Variants in ITGBL1 observed in about 807,000 individuals in gnomAD.
ITGBL1 encodes the protein integrin subunit beta like 1, also known as integrin beta-like protein 1.
A neutral mutation model predicts 68.5 loss-of-function variants in ITGBL1; 51 were observed. That is an observed-to-expected ratio of 0.74 (90% confidence interval 0.59 to 0.94). The LOEUF is 0.94. Ranked by LOEUF, ITGBL1 falls within the 40% of genes least tolerant of loss-of-function variation. The pLI is 0.00. For missense variants in ITGBL1, 649 were observed against 647.4 expected (o/e 1.00, Z -0.03); for synonymous variants, 209 against 227.3 (o/e 0.92, Z 0.72).
intron 4 of ITGBL1, among the ~76,000 whole-genome samples, chr13:101,576,176 A>G (rs2139272489): frequency 6.6e-6 from 1 of 152,332 alleles, no homozygotes; most frequent in East Asian, 1.9e-4. Context: ...CTACATAGAT[A>G]GATGTGGAAC....
chr13:101,561,327 C>A (rs1249466870), intron 2 of ITGBL1, among the ~76,000 whole-genome samples: 6 of 152,106 alleles, frequency 3.9e-5, no homozygotes, highest in African/African-American at 1.4e-4. Context: ...AGCAGCTCCT[C>A]CAGGATGGTC....
At chr13:101,595,498 A>G (rs2029907059) in intron 6 of ITGBL1, among the ~76,000 whole-genome samples, 1 of 137,332 alleles carries the variant, frequency 7.3e-6, no homozygotes, top group Non-Finnish European at 1.7e-5. Flanking sequence ...ATACAACTCA[A>G]TAGCAAAAAA....
At chr13:101,497,414 G>A (rs1384798228) in intron 2 of ITGBL1, among the ~76,000 whole-genome samples, 4 of 152,102 alleles carry the variant, frequency 2.6e-5, no homozygotes, top group Admixed American at 1.3e-4. Flanking sequence ...GACACAAGGC[G>A]ATGACATTTT....
chr13:101,481,087 T>C (rs866729470), intron 2 of ITGBL1, among the ~76,000 whole-genome samples: 4 of 84,994 alleles, frequency 4.7e-5, no homozygotes, highest in Admixed American at 3.9e-4. Context: ...TATACACACA[T>C]ATATATACAC....
chr13:101,561,839 G>T (rs907853608), intron 2 of ITGBL1, among the ~76,000 whole-genome samples: 7 of 152,130 alleles, frequency 4.6e-5, no homozygotes, highest in African/African-American at 1.7e-4. Context: ...AAGTTCTTTA[G>T]ACAAAAGGAA....
At chr13:101,576,000 C>G (rs937374767) in intron 4 of ITGBL1, among the ~76,000 whole-genome samples, 2 of 152,152 alleles carry the variant, frequency 1.3e-5, no homozygotes, top group Non-Finnish European at 2.9e-5. Flanking sequence ...TCCCTAAACA[C>G]TTAAATAACA....
intron 7 of ITGBL1, among the ~76,000 whole-genome samples, chr13:101,625,101 T>C (rs2031725236): frequency 6.6e-6 from 1 of 152,156 alleles, no homozygotes; most frequent in Non-Finnish European, 1.5e-5. Context: ...GTGATGCAAT[T>C]GCAACTCTTG....
chr13:101,694,262 T>C (rs1004080474), intron 8 of ITGBL1, among the ~76,000 whole-genome samples: 1 of 152,310 alleles, frequency 6.6e-6, no homozygotes, highest in Non-Finnish European at 1.5e-5. Context: ...TTACTCTTTT[T>C]GTTTGTTAAG....
chr13:101,541,442 G>A (rs1243932559), intron 2 of ITGBL1, among the ~76,000 whole-genome samples: 1 of 152,100 alleles, frequency 6.6e-6, no homozygotes, highest in African/African-American at 2.4e-5. Flanking sequence ...GTGTGCTGCT[G>A]GATTTGGTTT....
At chr13:101,545,280 A>C (rs2049799348) in intron 2 of ITGBL1, among the ~76,000 whole-genome samples, 1 of 152,234 alleles carries the variant, frequency 6.6e-6, no homozygotes, top group Non-Finnish European at 1.5e-5. Flanking sequence ...AAATACTCTA[A>C]GAATTAACAG....
chr13:101,720,574 GTGTT>G (rs1566810203), downstream of ITGBL1: 2 of 150,606 alleles, frequency 1.3e-5, no homozygotes, highest in South Asian at 2.1e-4. Context: ...GTATATGTGT[GTGTT>G]TGTGTGAAGT....
intron 2 of ITGBL1, among the ~76,000 whole-genome samples, chr13:101,553,888 T>C (rs6491632): frequency 0.79 from 119,231 of 151,884 alleles, 46,808 homozygotes; most frequent in South Asian, 0.81. Context: ...AATTCAACTG[T>C]CTCAACCTCC....
intron 6 of ITGBL1, among the ~76,000 whole-genome samples, chr13:101,584,001 T>C (rs1438575731): frequency 6.6e-6 from 1 of 152,226 alleles, no homozygotes; most frequent in Non-Finnish European, 1.5e-5. Flanking sequence ...AGGGCACCTA[T>C]ATTAATGTAT....
intron 7 of ITGBL1, among the ~76,000 whole-genome samples, chr13:101,616,823 G>A (rs1594933127): frequency 6.6e-6 from 1 of 152,200 alleles, no homozygotes; most frequent in African/African-American, 2.4e-5. Flanking sequence ...ACTCTCTGAT[G>A]TGCTTCCTTG....
chr13:101,622,915 ATG>A (rs59267168), intron 7 of ITGBL1, among the ~76,000 whole-genome samples: 1,911 of 148,328 alleles, frequency 0.013, 13 homozygotes, highest in Non-Finnish European at 0.016. Flanking sequence ...TGGGGTATGT[ATG>A]TGTGTGTGTG....
chr13:101,523,983 G>C (rs1019269032), intron 2 of ITGBL1, among the ~76,000 whole-genome samples: 2 of 152,176 alleles, frequency 1.3e-5, no homozygotes, highest in African/African-American at 4.8e-5. Flanking sequence ...ATGGCTGAGA[G>C]AATTGTGGAC....
intron 2 of ITGBL1, among the ~76,000 whole-genome samples, chr13:101,455,502 A>T (rs2139610485): frequency 6.6e-6 from 1 of 151,974 alleles, no homozygotes; most frequent in East Asian, 1.9e-4. Context: ...CCCAGTCTCT[A>T]CTAAAAATAC....
At chr13:101,503,580 C>G (rs1449505859) in intron 2 of ITGBL1, among the ~76,000 whole-genome samples, 1 of 152,120 alleles carries the variant, frequency 6.6e-6, no homozygotes, top group African/African-American at 2.4e-5. Context: ...AGAAGTGACA[C>G]TAGTGGGCAC....
chr13:101,490,115 G>A, intron 2 of ITGBL1: 2 of 689,848 alleles, frequency 2.9e-6, no homozygotes, highest in South Asian at 1.8e-5. Context: ...ATTTGGAGGT[G>A]GGGCCTTTTG....
Sources: gnomAD v4.1 joint callset for allele counts (sites outside exome capture counted in the v4.1 genomes callset) on GRCh38, gnomAD v4.1.1 for gene constraint, MANE v1.5 for transcripts, NCBI Gene and HGNC (gene_info 2026-07-23, HGNC 2026-07-21) for gene names.